The following TAFA1 variants were observed in gnomAD, a reference collection of about 807,000 sequenced individuals.
TAFA1 encodes TAFA chemokine like family member 1.
Under a neutral mutation model 18.5 loss-of-function variants are expected in TAFA1, and 4 were observed. The observed-to-expected ratio is 0.22, with a 90% CI of 0.11 to 0.49. TAFA1 has a LOEUF of 0.49. Ranked by LOEUF, TAFA1 falls within the 20% of genes least tolerant of loss-of-function variation. The probability of loss-of-function intolerance (pLI) is 0.98; values close to 1 mark genes in which losing one functional copy is unlikely to be tolerated. For missense variants in TAFA1, 147 were observed against 169.0 expected (o/e 0.87, Z 0.72); for synonymous variants, 56 against 55.2 (o/e 1.01, Z -0.06).
At chr3:68,172,676 T>G (rs2106962617) in intron 2 of TAFA1, among the ~76,000 whole-genome samples, 1 of 152,190 alleles carries the variant, frequency 6.6e-6, no homozygotes, top group Admixed American at 6.5e-5. Flanking sequence ...AAGAGAATAT[T>G]ACTCAGCTAT....
chr3:68,044,017 T>A (rs147865112), intron 2 of TAFA1, among the ~76,000 whole-genome samples: 1 of 152,324 alleles, frequency 6.6e-6, no homozygotes, highest in East Asian at 1.9e-4. Flanking sequence ...ACAAAAAGGC[T>A]AGGAAAATCA....
chr3:68,168,622 G>A (rs150979761), intron 2 of TAFA1, among the ~76,000 whole-genome samples: 156 of 152,210 alleles, frequency 1.0e-3, no homozygotes, highest in African/African-American at 3.4e-3. Context: ...ATGCATTCTC[G>A]TACCAACGGT....
At chr3:68,141,331 T>C (rs1218052433) in intron 2 of TAFA1, among the ~76,000 whole-genome samples, 1 of 152,188 alleles carries the variant, frequency 6.6e-6, no homozygotes, top group Non-Finnish European at 1.5e-5. Context: ...CTATACATAA[T>C]ATACTCACAG....
At chr3:68,158,771 T>A (rs939892574) in intron 2 of TAFA1, among the ~76,000 whole-genome samples, 2 of 152,202 alleles carry the variant, frequency 1.3e-5, no homozygotes, top group Admixed American at 1.3e-4. Flanking sequence ...TATATGCCCT[T>A]GATTTCATGT....
rs1043806611 is a variant in TAFA1, at chr3:68,133,681, T to C, written c.118+126937T>C. The stretch of plus-strand genomic sequence containing the variant: ...TGGCTCTCTGTTTGCCTCTTATTGG[T>C]GTATAGGAATGCTTTTGGTTTTTGC... On this transcript the variant is annotated intron_variant, in intron 2 of 4. Transcript: ENST00000478136. Among the ~76,000 whole-genome samples the C allele has an allele frequency of 8.5e-5, 13 of 152,106 alleles. 1 individual carries two copies. Among genetic ancestry groups the C allele is most frequent in the Non-Finnish European group, 1.5e-5 (1 of 68,032 alleles).
At chr3:68,377,841 C>G (rs1226419612) in intron 2 of TAFA1, among the ~76,000 whole-genome samples, 1 of 152,184 alleles carries the variant, frequency 6.6e-6, no homozygotes, top group African/African-American at 2.4e-5. Flanking sequence ...TGCTCCAGCT[C>G]CAGCCATGGC....
chr3:68,332,152 C>G (rs369520371), intron 2 of TAFA1, among the ~76,000 whole-genome samples: 1 of 151,300 alleles, frequency 6.6e-6, no homozygotes, highest in African/African-American at 2.4e-5. Context: ...TGTGAGCCAC[C>G]GCGCCCGGCC....
At chr3:68,155,517 T>A (rs1382683931) in intron 2 of TAFA1, among the ~76,000 whole-genome samples, 3 of 152,120 alleles carry the variant, frequency 2.0e-5, no homozygotes, top group Non-Finnish European at 4.4e-5. Context: ...CAAACCCTAA[T>A]CCCTGTGACT....
intron 2 of TAFA1, among the ~76,000 whole-genome samples, chr3:68,407,663 C>T (rs1315280605): frequency 6.6e-6 from 1 of 152,060 alleles, no homozygotes; most frequent in Non-Finnish European, 1.5e-5. Flanking sequence ...AGATGAGAAT[C>T]TTGAAATATA....
chr3:68,253,394 G>A (rs2067233503), intron 2 of TAFA1, among the ~76,000 whole-genome samples: 1 of 152,108 alleles, frequency 6.6e-6, no homozygotes, highest in African/African-American at 2.4e-5. Flanking sequence ...TATGATCACA[G>A]AATCTTATCC....
chr3:68,282,073 C>A (rs2067908338), intron 2 of TAFA1, among the ~76,000 whole-genome samples: 1 of 152,096 alleles, frequency 6.6e-6, no homozygotes. Context: ...AAGTGCTGAG[C>A]AAAAGGGAGA....
At chr3:68,407,460 A>T in intron 2 of TAFA1, among the ~76,000 whole-genome samples, 1 of 152,182 alleles carries the variant, frequency 6.6e-6, no homozygotes, top group East Asian at 1.9e-4. Flanking sequence ...TAGGACAAGA[A>T]TTGAAATGAA....
At chr3:68,199,866 C>G (rs2066451930) in intron 2 of TAFA1, among the ~76,000 whole-genome samples, 1 of 151,460 alleles carries the variant, frequency 6.6e-6, no homozygotes, top group Non-Finnish European at 1.5e-5. Flanking sequence ...GCTAGGACTT[C>G]CAGTATGAAC....
chr3:68,097,435 C>T (rs536612266), intron 2 of TAFA1, among the ~76,000 whole-genome samples: 1 of 152,236 alleles, frequency 6.6e-6, no homozygotes. Context: ...GTGTTTGCTG[C>T]ACGGCACACC....
intron 2 of TAFA1, among the ~76,000 whole-genome samples, chr3:68,026,908 A>T (rs903320901): frequency 6.6e-6 from 1 of 152,174 alleles, no homozygotes; most frequent in Non-Finnish European, 1.5e-5. Context: ...CTATATAGGA[A>T]GCACAGTGGT....
At chr3:68,210,554 T>C (rs1185329233) in intron 2 of TAFA1, among the ~76,000 whole-genome samples, 3 of 152,040 alleles carry the variant, frequency 2.0e-5, no homozygotes, top group African/African-American at 4.8e-5. Context: ...GGAATCTGTT[T>C]TGATGTGCAA....
In TAFA1 at chr3:68,439,412, C is replaced by CATACATATAT. The variant is rs1264523262; in HGVS notation, c.259+21995_259+21996insCATATATATA. Reference sequence around the variant, plus strand: ...AGAAGTAATAGAATATATATACATACATATATATATATATATATATATATA... The same window carrying CATACATATAT: ...AGAAGTAATAGAATATATATACATACATACATATATATATATATATATATATATATATATA... On this transcript the variant is annotated intron_variant, in intron 3 of 4. Transcript: ENST00000478136. 2.5e-3 allele frequency among the ~76,000 whole-genome samples: 182 copies of CATACATATAT among 73,420 alleles called. 1 individual carries two copies. The highest frequency in any genetic ancestry group is 0.01 in the African/African-American group (141 of 14,042). The allele number at this position is 73,420 out of a possible 152,430, so 48.2% of individuals were successfully genotyped here.
At chr3:68,090,800 G>C (rs538993457) in intron 2 of TAFA1, among the ~76,000 whole-genome samples, 6 of 152,094 alleles carry the variant, frequency 3.9e-5, no homozygotes, top group African/African-American at 1.4e-4. Context: ...TCTGAAAGAC[G>C]GGTCAGAGAC....
intron 2 of TAFA1, among the ~76,000 whole-genome samples, chr3:68,270,408 T>C (rs546633430): frequency 1.3e-5 from 2 of 152,318 alleles, no homozygotes; most frequent in Admixed American, 6.5e-5. Context: ...AAACCTCTTA[T>C]GTTGCCTACA....
Sources: allele counts gnomAD v4.1 joint callset (sites outside exome capture counted in the v4.1 genomes callset), GRCh38; gene constraint gnomAD v4.1.1; transcripts MANE v1.5; gene names NCBI Gene and HGNC (gene_info 2026-07-23, HGNC 2026-07-21).